The following SOX6 variants were observed in gnomAD, a reference collection of about 807,000 sequenced individuals.
SOX6 encodes the protein SRY-box transcription factor 6, also known as transcription factor SOX-6.
A neutral mutation model predicts 97.8 loss-of-function variants in SOX6; 11 were observed. The observed-to-expected ratio is 0.11, with a 90% confidence interval of 0.07 to 0.19. SOX6 has a LOEUF of 0.19. Ranked by LOEUF, SOX6 falls within the 10% of genes least tolerant of loss-of-function variation. SOX6 has a pLI of 1.00. For missense variants in SOX6, 810 were observed against 1,039.5 expected (o/e 0.78, Z 3.04); for synonymous variants, 360 against 371.4 (o/e 0.97, Z 0.35).
At chr11:16,171,938 A>C (rs1851049952) in intron 6 of SOX6, among the ~76,000 whole-genome samples, 1 of 151,858 alleles carries the variant, frequency 6.6e-6, no homozygotes, top group Non-Finnish European at 1.5e-5. Context: ...TTGAAACTTA[A>C]CAAGTTAGAA....
At chr11:16,377,440 C>A (rs1021481339) in intron 1 of SOX6, among the ~76,000 whole-genome samples, 1 of 151,986 alleles carries the variant, frequency 6.6e-6, no homozygotes, top group African/African-American at 2.4e-5. Context: ...TGCTAGGTAC[C>A]ACTGAAAATA....
Position 16,721,618 on chromosome 11 carries a change from C to CCTCT in SOX6, n.354-6717_354-6714dup, listed in dbSNP as rs59547335. Among the ~76,000 whole-genome samples the CCTCT allele has an allele frequency of 3.7e-3, 82 of 22,348 alleles. 6 individuals carry two copies. Among genetic ancestry groups the CCTCT allele is most frequent in the African/African-American group, 0.012 (61 of 5,010 alleles). 14.7% of individuals were successfully genotyped at this position (22,348 alleles called of 152,430 possible). Reference sequence around the variant, plus strand: ...TCTCTCTTCCCTCCCTCCCTCCCTCCCTCTCTCTCTCTCTCTCTCTCTCTC... The same window carrying CCTCT: ...TCTCTCTTCCCTCCCTCCCTCCCTCCCTCTCTCTCTCTCTCTCTCTCTCTCTCTC... On this transcript the variant is annotated intron_variant and non_coding_transcript_variant, in intron 2 of 5. Transcript: ENST00000524520.
intron 2 of SOX6, among the ~76,000 whole-genome samples, chr11:16,731,924 T>C (rs909041721): frequency 1.3e-5 from 2 of 152,104 alleles, no homozygotes; most frequent in African/African-American, 4.8e-5. Flanking sequence ...TGTACAAAAA[T>C]CACAAGCATT....
intron 1 of SOX6, among the ~76,000 whole-genome samples, chr11:16,379,145 G>C (rs1160956682): frequency 2.0e-5 from 3 of 152,064 alleles, no homozygotes; most frequent in African/African-American, 7.2e-5. Context: ...ACCTCTCAAA[G>C]GTTATGAGTA....
At chr11:16,009,862 G>T (rs1854658171) in intron 13 of SOX6, among the ~76,000 whole-genome samples, 1 of 151,966 alleles carries the variant, frequency 6.6e-6, no homozygotes, top group Non-Finnish European at 1.5e-5. Flanking sequence ...CTGCTGCCTT[G>T]AATGAGTCGT....
chr11:16,156,927 CTATT>C (rs1315260716), intron 6 of SOX6, among the ~76,000 whole-genome samples: 5 of 152,120 alleles, frequency 3.3e-5, no homozygotes, highest in African/African-American at 1.2e-4. Flanking sequence ...TGATATTTAT[CTATT>C]TGTTTACAGT....
chr11:16,199,527 T>C (rs898589633), intron 4 of SOX6, among the ~76,000 whole-genome samples: 6 of 152,144 alleles, frequency 3.9e-5, no homozygotes, highest in African/African-American at 1.4e-4. Flanking sequence ...AAACTATAAA[T>C]GTTTCTGGAA....
upstream of SOX6, among the ~76,000 whole-genome samples, chr11:16,358,681 T>C (rs764468089): frequency 1.1e-4 from 17 of 152,110 alleles, no homozygotes; most frequent in Non-Finnish European, 2.2e-4. Context: ...AAGTAGTAGA[T>C]ATTTTGCCAC....
At chr11:15,980,921 T>G (rs574945217) in intron 15 of SOX6, among the ~76,000 whole-genome samples, 1 of 152,026 alleles carries the variant, frequency 6.6e-6, no homozygotes, top group African/African-American at 2.4e-5. Flanking sequence ...TATTCATGTA[T>G]GTATCTGGCT....
At chr11:16,302,572 T>TTC (rs1002458224) in intron 3 of SOX6, among the ~76,000 whole-genome samples, 2 of 138,526 alleles carry the variant, frequency 1.4e-5, no homozygotes, top group African/African-American at 2.7e-5. Flanking sequence ...TTTTCTTTTT[T>TTC]TTTTTTTTTT....
At chr11:16,265,811 A>G (rs1038409381) in intron 3 of SOX6, among the ~76,000 whole-genome samples, 3 of 151,850 alleles carry the variant, frequency 2.0e-5, no homozygotes, top group African/African-American at 7.2e-5. Flanking sequence ...GAAATGAAAA[A>G]CATACTGAAT....
At chr11:16,159,178 A>G (rs1850677884) in intron 6 of SOX6, among the ~76,000 whole-genome samples, 1 of 152,084 alleles carries the variant, frequency 6.6e-6, no homozygotes. Flanking sequence ...AAAATTATCT[A>G]ATATTAATTC....
chr11:16,120,554 A>G (rs536581735), intron 6 of SOX6, among the ~76,000 whole-genome samples: 2 of 133,492 alleles, frequency 1.5e-5, no homozygotes, highest in Non-Finnish European at 3.2e-5. Context: ...ATAAAGAGCT[A>G]ACTTCACATA....
chr11:16,502,601 T>C (rs899604434), intron 4 of SOX6, among the ~76,000 whole-genome samples: 3 of 152,084 alleles, frequency 2.0e-5, no homozygotes, highest in Non-Finnish European at 4.4e-5. Flanking sequence ...TCATACACTA[T>C]ATCAAGTAGA....
At chr11:16,327,194 G>A (rs1856124458) in intron 2 of SOX6, among the ~76,000 whole-genome samples, 1 of 152,114 alleles carries the variant, frequency 6.6e-6, no homozygotes, top group Non-Finnish European at 1.5e-5. Flanking sequence ...ATTAGACTCT[G>A]CATTTTTATA....
rs1183525323 is a variant in SOX6 at position 16,132,452 on chromosome 11, G to GAA, written c.778-20531_778-20530dup. Among the ~76,000 whole-genome samples the GAA allele has an allele frequency of 2.4e-4, 25 of 104,998 alleles. 2 individuals are homozygous for GAA. Among genetic ancestry groups the GAA allele is most frequent in the African/African-American group, 7.8e-4 (20 of 25,728 alleles). 68.9% of individuals were successfully genotyped at this position (104,998 alleles called of 152,430 possible). A position where few individuals can be genotyped will look rare whatever the true frequency, so the allele number is the denominator to read the frequency against. On this transcript the variant is annotated intron_variant, in intron 6 of 15. Coordinates refer to ENST00000683767, the MANE Select transcript of SOX6 (RefSeq NM_001367873.1). ...AAGAAAGAAAGAAAGAAAAAAGAAA[G>GAA]AAAGAAAGAAAGAAAGAAAGAAAGA... is the stretch of plus-strand genomic sequence containing the variant.
chr11:16,208,551 C>A (rs1852133492), intron 4 of SOX6, among the ~76,000 whole-genome samples: 1 of 152,084 alleles, frequency 6.6e-6, no homozygotes. Context: ...GACTGACAGA[C>A]AAAGAGTGGT....
chr11:16,081,048 C>T (rs574795583), intron 9 of SOX6, among the ~76,000 whole-genome samples: 7 of 151,798 alleles, frequency 4.6e-5, no homozygotes, highest in Non-Finnish European at 8.8e-5. Context: ...ATGATTGTAC[C>T]ACGGCACTCC....
At position 16,175,049 on chromosome 11, in the gene SOX6, G is replaced by A. The variant is rs551828493; in HGVS notation, c.777+8837C>T. ...TTGAAAAGCTCTCGTTTGGCAGCCAGGGAAAATTGTTGCACTTTATTTTCC... is the reference window on the plus strand; with the variant it reads ...TTGAAAAGCTCTCGTTTGGCAGCCAAGGAAAATTGTTGCACTTTATTTTCC... On this transcript the variant is annotated intron_variant, in intron 6 of 15. Coordinates refer to ENST00000683767, the MANE Select transcript of SOX6 (RefSeq NM_001367873.1). Among the ~76,000 whole-genome samples, 7 of 151,994 alleles carry A rather than the reference G, an allele frequency of 4.6e-5. No individual in the cohort carries two copies. In the East Asian group the frequency reaches 1.4e-3, roughly 30 times the overall value.
Sources: gnomAD v4.1 joint callset for allele counts (sites outside exome capture counted in the v4.1 genomes callset) on GRCh38, gnomAD v4.1.1 for gene constraint, MANE v1.5 for transcripts, NCBI Gene and HGNC (gene_info 2026-07-23, HGNC 2026-07-21) for gene names.